KIF14: variants seen among roughly 807,000 people sequenced by gnomAD.
KIF14 encodes kinesin family member 14, also known as kinesin-like protein KIF14.
In KIF14, 98 loss-of-function variants were observed where a neutral mutation model predicts 176.2. That is an observed-to-expected ratio of 0.56 (90% CI 0.47 to 0.66). The LOEUF (loss-of-function observed/expected upper bound fraction) is 0.66, where lower values mean the gene tolerates loss of function less well. Ranked by LOEUF, KIF14 falls within the 30% of genes least tolerant of loss-of-function variation. The probability of loss-of-function intolerance (pLI) is 0.00; values close to 1 mark genes in which losing one functional copy is unlikely to be tolerated. For missense variants in KIF14, 1,751 were observed against 1,920.4 expected (o/e 0.91, Z 1.65); for synonymous variants, 566 against 632.2 (o/e 0.90, Z 1.57).
chr1:200,570,401 G>C (rs1657712441), intron 22 of KIF14, among the ~76,000 whole-genome samples: 1 of 152,124 alleles, frequency 6.6e-6, no homozygotes, highest in Admixed American at 6.6e-5. Context: ...ACTTGACCTG[G>C]CCCAAGAAGT....
intron 20 of KIF14, 52 bp from the exon 21 acceptor site, chr1:200,580,435 T>C: frequency 1.6e-6 from 2 of 1,236,396 alleles, no homozygotes; most frequent in Non-Finnish European, 2.1e-6. Context: ...ACACATCCAT[T>C]TATACTAAGA....
intron 25 of KIF14, among the ~76,000 whole-genome samples, chr1:200,562,664 T>G (rs1657225893): frequency 6.6e-6 from 1 of 152,214 alleles, no homozygotes; most frequent in Non-Finnish European, 1.5e-5. Flanking sequence ...ACCCTTCGCT[T>G]CTGGCTCTCT....
intron 27 of KIF14, among the ~76,000 whole-genome samples, chr1:200,558,831 T>C (rs1656975066): frequency 6.6e-6 from 1 of 152,160 alleles, no homozygotes; most frequent in Admixed American, 6.5e-5. Flanking sequence ...AGGTACTAAG[T>C]AATGTTAGCT....
At chr1:200,585,534 GCTTA>G (rs1247123746) in intron 19 of KIF14, among the ~76,000 whole-genome samples, 1 of 152,102 alleles carries the variant, frequency 6.6e-6, no homozygotes, top group Non-Finnish European at 1.5e-5. Context: ...TTGAAATTTG[GCTTA>G]CTATTTGCTC....
chr1:200,557,137 G>T (rs1656875310), intron 27 of KIF14, among the ~76,000 whole-genome samples: 1 of 152,140 alleles, frequency 6.6e-6, no homozygotes, highest in South Asian at 2.1e-4. Flanking sequence ...CTGAGTAGCT[G>T]GGACTACAGA....
intron 22 of KIF14, among the ~76,000 whole-genome samples, chr1:200,571,811 C>T (rs544921872): frequency 5.0e-4 from 76 of 152,272 alleles, no homozygotes; most frequent in Admixed American, 9.8e-4. Flanking sequence ...CAAGTCTAAA[C>T]TAGGAAAACA....
At chr1:200,610,979 T>C (rs927039592) in intron 4 of KIF14, among the ~76,000 whole-genome samples, 13 of 152,172 alleles carry the variant, frequency 8.5e-5, no homozygotes, top group African/African-American at 2.9e-4. Context: ...TTTGATCTGG[T>C]AAGATGGAAC....
chr1:200,559,612 A>C (rs1449456235), intron 26 of KIF14, among the ~76,000 whole-genome samples, 160 bp from the exon 27 acceptor site: 2 of 152,234 alleles, frequency 1.3e-5, no homozygotes, highest in Non-Finnish European at 2.9e-5. Context: ...AGTTCAACTA[A>C]AGCTAGAATA....
At chr1:200,605,426 G>T in intron 7 of KIF14, 36 bp from the exon 8 acceptor site, 2 of 1,425,424 alleles carry the variant, frequency 1.4e-6, no homozygotes, top group Non-Finnish European at 9.9e-7. Context: ...CAGATCAGCA[G>T]ACTGTAACTC....
intron 21 of KIF14, among the ~76,000 whole-genome samples, chr1:200,576,371 G>A (rs549578405): frequency 2.6e-5 from 4 of 151,634 alleles, no homozygotes; most frequent in Non-Finnish European, 5.9e-5. Flanking sequence ...CCAGCTACTC[G>A]GGAGGCTGAG....
intron 3 of KIF14, among the ~76,000 whole-genome samples, chr1:200,614,735 C>T (rs1385259120): frequency 7.0e-6 from 1 of 143,140 alleles, no homozygotes; most frequent in African/African-American, 2.6e-5. Context: ...GGGACCCCTC[C>T]ACGCTGTGGA....
intron 17 of KIF14, 57 bp from the exon 18 acceptor site, chr1:200,589,426 A>G: frequency 2.1e-6 from 3 of 1,436,038 alleles, no homozygotes; most frequent in East Asian, 4.6e-5. Flanking sequence ...AAAAAGTACA[A>G]AAGTCCCTTT....
chr1:200,553,714 A>G lies in KIF14; in HGVS notation c.4621T>C (p.Leu1541=), dbSNP rs370674564. 8 of 1,611,786 alleles carry G rather than the reference A, an allele frequency of 5.0e-6. No homozygotes were observed. The African/African-American group carries it at 9.3e-5, about 19-fold the overall frequency. Residue 1541 remains leucine (L), a synonymous_variant, in exon 30 of 30, where the codon TTG becomes CTG. Transcript: ENST00000367350. ...LQTCVESIRN[L]ASDFYSDFSV... ...AAGTCACTGTAAAAATCACTGGCCA[A>G]GTTGCGAATACTTTCAACACAAGTC... is the stretch of plus-strand genomic sequence containing the variant.
intron 27 of KIF14, 89 bp downstream of exon 27, chr1:200,559,241 T>C (rs1038693018): frequency 5.1e-5 from 40 of 784,908 alleles, no homozygotes; most frequent in Middle Eastern, 4.2e-4. Context: ...TTAAAACATA[T>C]GAATTTATAG....
intron 1 of KIF14, among the ~76,000 whole-genome samples, chr1:200,619,545 G>A (rs1455231293): frequency 6.6e-6 from 1 of 152,062 alleles, no homozygotes; most frequent in African/African-American, 2.4e-5. Flanking sequence ...TAGAGACGGG[G>A]TTTCACCATG....
chr1:200,610,620 T>C (rs1001033077), intron 4 of KIF14, among the ~76,000 whole-genome samples: 10 of 152,080 alleles, frequency 6.6e-5, no homozygotes, highest in Non-Finnish European at 1.3e-4. Flanking sequence ...CTTAAGTACC[T>C]ACCTACTGCA....
chr1:200,573,423 A>ATTTTTTTTTTTTT (rs1657921825), intron 22 of KIF14, among the ~76,000 whole-genome samples: 1 of 84,430 alleles, frequency 1.2e-5, no homozygotes, highest in Non-Finnish European at 2.2e-5. Flanking sequence ...CAAGGAGCTC[A>ATTTTTTTTTTTTT]TTTCTTTTTT....
In KIF14 at chr1:200,613,539, G is replaced by A. The variant is rs16846998; in HGVS notation, c.1455+779C>T. Among the ~76,000 whole-genome samples the A allele has an allele frequency of 8.0e-3, 1,222 of 152,202 alleles. 11 individuals are homozygous for A. Among genetic ancestry groups the A allele is most frequent in the African/African-American group, 0.026 (1,093 of 41,516 alleles). On this transcript the variant is annotated intron_variant, in intron 4 of 29. Transcript: ENST00000367350. ...ACACTCCTTTGAATACAGGGACTGGGTCTTTTAACTCCACACCCCTAATCT... is the reference window on the plus strand; with the variant it reads ...ACACTCCTTTGAATACAGGGACTGGATCTTTTAACTCCACACCCCTAATCT...
rs1657010665 is a variant in KIF14, at chr1:200,559,452, C to T, written c.4231G>A (p.Glu1411Lys). The change falls in exon 27 of 30, where the codon GAG (glutamate) becomes AAG (lysine). Residue 1411 changes from glutamate (E) to lysine (K), a missense_variant and splice_region_variant. Physicochemically the swap from Glu to Lys is moderately conservative, Grantham distance 56. Transcript: ENST00000367350. ...TCACAAACAGCATCCATGAATTCCT[C>T]CTAGAAAAAGAATTTAAGCATTAAC... is the stretch of plus-strand genomic sequence containing the variant. ...NGNNKAASVQ[E>K]EFMDAVCDGV... 6.8e-7 allele frequency: 1 copy of T among 1,474,266 alleles called. No homozygotes were observed. Among genetic ancestry groups the T allele is most frequent in the African/African-American group, 1.4e-5 (1 of 69,416 alleles). 91.3% of individuals were successfully genotyped at this position (1,474,266 alleles called of 1,614,324 possible).
Sources: gnomAD v4.1 joint callset for allele counts (sites outside exome capture counted in the v4.1 genomes callset) on GRCh38, gnomAD v4.1.1 for gene constraint, MANE v1.5 for transcripts, NCBI Gene and HGNC (gene_info 2026-07-23, HGNC 2026-07-21) for gene names.